The following SLC37A3 variants were observed in gnomAD, a reference collection of about 807,000 sequenced individuals.
SLC37A3 encodes the protein solute carrier family 37 member 3, also known as sugar phosphate exchanger 3.
A neutral mutation model predicts 67.1 loss-of-function variants in SLC37A3; 51 were observed. That is an observed-to-expected ratio of 0.76 (90% confidence interval 0.61 to 0.96). The LOEUF (loss-of-function observed/expected upper bound fraction) is 0.96, where lower values mean the gene tolerates loss of function less well. Ranked by LOEUF, SLC37A3 falls within the 40% of genes least tolerant of loss-of-function variation. The pLI is 0.00. For missense variants in SLC37A3, 508 were observed against 603.0 expected (o/e 0.84, Z 1.65); for synonymous variants, 214 against 231.4 (o/e 0.92, Z 0.68).
chr7:140,371,758 T>C (rs937397488), intron 3 of SLC37A3, among the ~76,000 whole-genome samples: 1 of 151,974 alleles, frequency 6.6e-6, no homozygotes, highest in Non-Finnish European at 1.5e-5. Context: ...AATACAAATT[T>C]ATGCTGAAAA....
rs144434575 is a variant in SLC37A3 at position 140,345,942 on chromosome 7, A to G, written c.1053T>C (p.Asp351=). 4.5e-5 allele frequency: 72 copies of G among 1,613,836 alleles called. No homozygotes were observed. Among genetic ancestry groups the G allele is most frequent in the Non-Finnish European group, 5.4e-5 (64 of 1,179,958 alleles). ...IGGTLQGFIS[D]VLQKRAPVLA... is the part of the protein sequence containing the mutation. ...GAACCGGCGCTCTCTTCTGTAGTAC[A>G]TCAGAGATGAAGCCTTGCAAAGTTC... The change falls in exon 11 of 15, where the codon GAT becomes GAC. Residue 351 remains aspartate, a synonymous_variant. Coordinates refer to ENST00000326232, the MANE Select transcript of SLC37A3 (RefSeq NM_207113.3).
At chr7:140,385,852 G>A (rs1462157275) in intron 1 of SLC37A3, among the ~76,000 whole-genome samples, 3 of 151,736 alleles carry the variant, frequency 2.0e-5, no homozygotes, top group Non-Finnish European at 4.4e-5. Context: ...GCACGATCTC[G>A]GCCCACTGCA....
intron 5 of SLC37A3, among the ~76,000 whole-genome samples, chr7:140,362,833 G>T: frequency 1.3e-5 from 1 of 77,364 alleles, no homozygotes; most frequent in East Asian, 4.7e-4. Flanking sequence ...GGGCGCCTCT[G>T]CCCGGCCGCC....
Position 140,335,162 on chromosome 7 carries a change from T to C in SLC37A3, c.*250A>G, listed in dbSNP as rs543710643. On this transcript the variant is annotated 3_prime_UTR_variant, in exon 15 of 15. Transcript: ENST00000326232. ...GGGCAGAGTCAGAGGTCAAAGATGC[T>C]GGCAGAGTCAGAAGTCACTCGGCAC... The C allele has an allele frequency of 1.7e-5, 25 of 1,485,346 alleles. No homozygotes were observed. In the African/African-American group the frequency reaches 3.2e-4, roughly 19 times the overall value. 92.0% of individuals were successfully genotyped at this position (1,485,346 alleles called of 1,614,324 possible). A position where few individuals can be genotyped will look rare whatever the true frequency, so the allele number is the denominator to read the frequency against.
chr7:140,337,230 G>A, intron 14 of SLC37A3, 54 bp downstream of exon 14: 1 of 1,425,138 alleles, frequency 7.0e-7, no homozygotes, highest in East Asian at 2.5e-5. Context: ...TAAGTGCTTT[G>A]AACTTAATTA....
intron 1 of SLC37A3, among the ~76,000 whole-genome samples, chr7:140,391,972 A>T (rs1798742204): frequency 6.6e-6 from 1 of 152,136 alleles, no homozygotes; most frequent in African/African-American, 2.4e-5. Flanking sequence ...CTTCTCTAAT[A>T]AATCTGCCTT....
At chr7:140,397,460 C>T (rs575729981) in intron 1 of SLC37A3, among the ~76,000 whole-genome samples, 1 of 152,092 alleles carries the variant, frequency 6.6e-6, no homozygotes, top group Non-Finnish European at 1.5e-5. Context: ...TCCCAAAGTG[C>T]TGGGATTACA....
intron 12 of SLC37A3, 167 bp from the exon 13 acceptor site, chr7:140,343,730 CA>C (rs1355361868): frequency 2.3e-5 from 15 of 655,082 alleles, no homozygotes; most frequent in Non-Finnish European, 3.8e-5. Context: ...AGTTAACATC[CA>C]CGTTCCTGAA....
intron 7 of SLC37A3, 59 bp downstream of exon 7, chr7:140,355,608 CA>C: frequency 7.2e-7 from 1 of 1,388,678 alleles, no homozygotes; most frequent in Non-Finnish European, 1.0e-6. Flanking sequence ...ACATAAAAAG[CA>C]ATACACATGT....
intron 1 of SLC37A3, among the ~76,000 whole-genome samples, chr7:140,394,132 T>C (rs1798828299): frequency 6.6e-6 from 1 of 151,892 alleles, no homozygotes; most frequent in African/African-American, 2.4e-5. Context: ...GGTTGCACCA[T>C]TGCACTCCAG....
chr7:140,389,724 C>G (rs1265767449), intron 1 of SLC37A3, among the ~76,000 whole-genome samples: 2 of 152,176 alleles, frequency 1.3e-5, no homozygotes, highest in Non-Finnish European at 2.9e-5. Flanking sequence ...GCAACACGTC[C>G]AGGTGGAAGG....
At position 140,398,449 on chromosome 7, in the gene SLC37A3, C is replaced by T. The variant is rs1318492916; in HGVS notation, c.-104G>A. On this transcript the variant is annotated 5_prime_UTR_variant, in exon 1 of 15. Coordinates refer to ENST00000326232, the MANE Select transcript of SLC37A3 (RefSeq NM_207113.3). ...CGCAGTGGTCGCCGCTCTCCAGCCC[C>T]GGCTCCGCTCGCCGGGTCAGCTTGG... 7 of 152,380 alleles carry T rather than the reference C, an allele frequency of 4.6e-5. No individual in the cohort carries two copies. Among genetic ancestry groups the T allele is most frequent in the Admixed American group, 4.6e-4 (7 of 15,264 alleles). 9.4% of individuals were successfully genotyped at this position (152,380 alleles called of 1,614,324 possible). A position where few individuals can be genotyped will look rare whatever the true frequency, so the allele number is the denominator to read the frequency against.
chr7:140,361,200 G>A (rs999547201), intron 5 of SLC37A3, among the ~76,000 whole-genome samples: 1 of 79,500 alleles, frequency 1.3e-5, no homozygotes, highest in African/African-American at 3.2e-5. Context: ...GAGCAGGATA[G>A]GGCCAGGTGC....
In SLC37A3 at chr7:140,382,514, T is replaced by G. The variant is rs758985820; in HGVS notation, c.13A>C (p.Asn5His). ...AGCAGAGACCCTCTTTGAAAAACATTTGGCCAGGCCATGTTCTTCCTGACC... is the reference window on the plus strand; with the variant it reads ...AGCAGAGACCCTCTTTGAAAAACATGTGGCCAGGCCATGTTCTTCCTGACC... MAWPNVFQRGSLLSQ... is the reference protein window; with the variant it reads MAWPHVFQRGSLLSQ... Residue 5 changes from asparagine to histidine, a missense_variant, in exon 2 of 15, where the codon AAT becomes CAT. Transcript: ENST00000326232. 6.2e-6 allele frequency: 10 copies of G among 1,614,098 alleles called. No homozygotes were observed. The highest frequency in any genetic ancestry group is 8.5e-6 in the Non-Finnish European group (10 of 1,179,982).
chr7:140,364,051 G>A (rs1797495441), intron 5 of SLC37A3, among the ~76,000 whole-genome samples: 1 of 152,210 alleles, frequency 6.6e-6, no homozygotes, highest in East Asian at 1.9e-4. Flanking sequence ...GAGGCCAGGA[G>A]ATAAGACTGG....
chr7:140,348,653 T>C lies in SLC37A3; in HGVS notation c.997A>G (p.Ile333Val). ...ATGATCCCTCCAACGTCGTACCAAATGGACAGCTTGTCGGCTTCCGCCTCC... is the reference window on the plus strand; with the variant it reads ...ATGATCCCTCCAACGTCGTACCAAACGGACAGCTTGTCGGCTTCCGCCTCC... ...WKEAEADKLS[I>V]WYDVGGIIGG... The change falls in exon 10 of 15, where the codon ATT becomes GTT. Residue 333 changes from isoleucine (I) to valine (V), a missense_variant. Ile to Val is a conservative substitution (Grantham distance 29, BLOSUM62 3). Transcript: ENST00000326232. 1 of 1,614,046 alleles carries C rather than the reference T, an allele frequency of 6.2e-7. No homozygotes were observed. The highest frequency in any genetic ancestry group is 2.2e-5 in the East Asian group (1 of 44,872).
chr7:140,388,412 G>A (rs1798592994), intron 1 of SLC37A3, among the ~76,000 whole-genome samples: 1 of 150,066 alleles, frequency 6.7e-6, no homozygotes, highest in Non-Finnish European at 1.5e-5. Flanking sequence ...CAGCCTGCAC[G>A]ACAGAGTGAG....
At chr7:140,348,974 T>G (rs1018601695) in intron 9 of SLC37A3, among the ~76,000 whole-genome samples, 6 of 152,228 alleles carry the variant, frequency 3.9e-5, no homozygotes, top group African/African-American at 9.6e-5. Flanking sequence ...TAGACAGGCA[T>G]GTACAGCAGG....
At chr7:140,397,124 C>T (rs1331619198) in intron 1 of SLC37A3, among the ~76,000 whole-genome samples, 2 of 146,114 alleles carry the variant, frequency 1.4e-5, no homozygotes, top group African/African-American at 2.5e-5. Context: ...CACTTGAACC[C>T]GGGAGGCGGA....
Sources: allele counts gnomAD v4.1 joint callset (sites outside exome capture counted in the v4.1 genomes callset), GRCh38; gene constraint gnomAD v4.1.1; transcripts MANE v1.5; gene names NCBI Gene and HGNC (gene_info 2026-07-23, HGNC 2026-07-21).